NUP205: variants seen among roughly 807,000 people sequenced by gnomAD.
NUP205 encodes nuclear pore complex protein Nup205.
NUP205 carries 76 observed loss-of-function variants against 253.8 expected under a neutral mutation model. The observed-to-expected ratio is 0.30, with a 90% CI of 0.25 to 0.36. NUP205 has a LOEUF of 0.36. Among genes scored for constraint, NUP205 ranks in the 10% least tolerant of loss-of-function variants. The pLI is 1.00. For missense variants in NUP205, 2,162 were observed against 2,425.5 expected (o/e 0.89, Z 2.28); for synonymous variants, 832 against 850.1 (o/e 0.98, Z 0.37).
At chr7:135,584,695 A>G (rs551534188) in intron 7 of NUP205, 137 bp from the exon 8 acceptor site, 1 of 712,206 alleles carries the variant, frequency 1.4e-6, no homozygotes, top group Non-Finnish European at 2.4e-6. Flanking sequence ...ACAGTTATAT[A>G]TAGTCTCATT....
intron 26 of NUP205, 65 bp downstream of exon 26, chr7:135,617,312 C>A: frequency 7.0e-7 from 1 of 1,418,468 alleles, no homozygotes; most frequent in Non-Finnish European, 9.7e-7. Flanking sequence ...TCATCAGAAA[C>A]AAATAGAACC....
At chr7:135,581,663 C>T (rs868140193) in intron 7 of NUP205, among the ~76,000 whole-genome samples, 4 of 151,884 alleles carry the variant, frequency 2.6e-5, no homozygotes, top group African/African-American at 7.3e-5. Flanking sequence ...ACCAGACTGG[C>T]GAACGTGGTA....
In NUP205 at chr7:135,635,601, G is replaced by C; in HGVS notation, c.5080G>C (p.Val1694Leu). Reference sequence around the variant, plus strand: ...TATAGGAATATTAAGTGAACTTGACGTTGATGTAAATGAAGGGTCTCTAAT... The same window carrying C: ...TATAGGAATATTAAGTGAACTTGACCTTGATGTAAATGAAGGGTCTCTAAT... Reference protein sequence around the residue: ...ALPGILSELDVDVNEGSLMEL... With the variant: ...ALPGILSELDLDVNEGSLMEL... The change falls in exon 36 of 43, where the codon GTT (valine) becomes CTT (leucine). Residue 1694 changes from valine (V) to leucine (L), a missense_variant. By Grantham distance (32) the Val-to-Leu change is conservative. Around this residue, in one of 5 missense-constraint regions of NUP205, gnomAD observed 1,144 missense variants for 1,280.9 expected, o/e 0.89. Coordinates refer to ENST00000285968, the MANE Select transcript of NUP205 (RefSeq NM_015135.3). 1 of 1,583,014 alleles carries C rather than the reference G, an allele frequency of 6.3e-7. No individual in the cohort carries two copies. Among genetic ancestry groups the C allele is most frequent in the Non-Finnish European group, 8.7e-7 (1 of 1,155,022 alleles).
At chr7:135,572,400 A>G (rs567652255) in intron 2 of NUP205, among the ~76,000 whole-genome samples, 7 of 152,220 alleles carry the variant, frequency 4.6e-5, no homozygotes, top group African/African-American at 1.7e-4. Context: ...GTATTATTTT[A>G]TAGTAGTTTA....
In NUP205 at chr7:135,618,478, C is replaced by T. The variant is rs768072571; in HGVS notation, c.3838C>T (p.Arg1280Cys). 48 of 1,613,936 alleles carry T rather than the reference C, an allele frequency of 3.0e-5. No homozygotes were observed. The highest frequency in any genetic ancestry group is 3.6e-5 in the Non-Finnish European group (42 of 1,179,984). Residue 1280 changes from arginine to cysteine, a missense_variant, in exon 28 of 43, where the codon CGT becomes TGT. By Grantham distance (180) the Arg-to-Cys change is radical. This residue lies in a region of NUP205 where 1,144 missense variants were observed against 1,280.9 expected (regional missense o/e 0.89). Transcript: ENST00000285968. ...NKLLQCLHAK[R>C]HALESWRQLV... The stretch of plus-strand genomic sequence containing the variant: ...ATTGCTGCAGTGTCTTCATGCAAAA[C>T]GTCATGCTCTGGAGTCGTGGAGGCA...
rs561367430 is a variant in NUP205, at chr7:135,626,358, A to G, written c.4790A>G (p.Gln1597Arg). 1.9e-6 allele frequency: 3 copies of G among 1,614,054 alleles called. No homozygotes were observed. The South Asian group carries it at 3.3e-5, about 18-fold the overall frequency. The change falls in exon 33 of 43, where the codon CAG becomes CGG. Residue 1597 changes from glutamine to arginine, a missense_variant. Around this residue, in one of 5 missense-constraint regions of NUP205, gnomAD observed 1,144 missense variants for 1,280.9 expected, o/e 0.89. Transcript: ENST00000285968. ...GACATGCGCCCAGAAACGGACCCGC[A>G]GAGGTAAGTGTCTGTATAGATTAAT... ...VYDMRPETDP[Q>R]SMFGMRDPPM...
intron 7 of NUP205, among the ~76,000 whole-genome samples, chr7:135,579,667 C>T (rs1023667703): frequency 4.6e-5 from 7 of 151,114 alleles, no homozygotes; most frequent in African/African-American, 9.7e-5. Context: ...TGTGGAATCC[C>T]GACTTTTCTT....
chr7:135,618,388 G>A, intron 27 of NUP205, 24 bp from the exon 28 acceptor site: 1 of 1,605,056 alleles, frequency 6.2e-7, no homozygotes, highest in Non-Finnish European at 8.5e-7. Context: ...GTTTAACCTT[G>A]TGATTCAATT....
Position 135,602,912 on chromosome 7 carries a change from C to G in NUP205, c.2620C>G (p.Leu874Val), listed in dbSNP as rs374424554. Residue 874 changes from leucine to valine, a missense_variant, in exon 18 of 43, where the codon CTA (leucine) becomes GTA (valine). Physicochemically the swap from Leu to Val is conservative, Grantham distance 32. Coordinates refer to ENST00000285968, the MANE Select transcript of NUP205 (RefSeq NM_015135.3). The part of the protein sequence containing the change: ...MDLLRESQLA[L>V]IVCPLEQLLQ... ...CCTTCTAAGAGAGAGTCAACTGGCT[C>G]TAATAGTCTGTCCTTTAGAACAGCT... The G allele has an allele frequency of 3.9e-5, 63 of 1,613,776 alleles. No homozygotes were observed. The highest frequency in any genetic ancestry group is 5.0e-5 in the Non-Finnish European group (59 of 1,179,888).
intron 31 of NUP205, among the ~76,000 whole-genome samples, chr7:135,624,542 A>AT (rs967424509): frequency 2.6e-5 from 4 of 151,576 alleles, no homozygotes; most frequent in Non-Finnish European, 4.4e-5. Context: ...CGCCCAGCTA[A>AT]TTTTTTTTGT....
intron 24 of NUP205, 98 bp downstream of exon 24, chr7:135,616,163 A>T (rs1385883478): frequency 3.8e-6 from 4 of 1,059,916 alleles, no homozygotes; most frequent in East Asian, 2.7e-5. Context: ...ATAGACCAAA[A>T]CTATCTTCTC....
Position 135,614,626 on chromosome 7 carries a change from A to T in NUP205, c.3310+353A>T, listed in dbSNP as rs1373541782. 2.6e-5 allele frequency among the ~76,000 whole-genome samples: 4 copies of T among 152,208 alleles called. No homozygotes were observed. The East Asian group carries it at 5.8e-4, about 22-fold the overall frequency. ...CCCAGGCTGTTTATGAGGAAAAAAA[A>T]AATCCTGGTTTATTTTTGTTTCTTG... On this transcript the variant is annotated intron_variant, in intron 23 of 42. Transcript: ENST00000285968.
intron 1 of NUP205, among the ~76,000 whole-genome samples, chr7:135,566,689 T>C (rs572799171): frequency 7.9e-5 from 12 of 152,280 alleles, no homozygotes; most frequent in East Asian, 3.9e-4. Flanking sequence ...CCCGTTGTAC[T>C]TCATCATATC....
At chr7:135,640,689 T>C (rs1794902221) in intron 38 of NUP205, among the ~76,000 whole-genome samples, 1 of 152,194 alleles carries the variant, frequency 6.6e-6, no homozygotes, top group South Asian at 2.1e-4. Flanking sequence ...AACTAAGTCC[T>C]TAATAGCTAA....
At chr7:135,615,747 C>T (rs1043117932) in intron 23 of NUP205, among the ~76,000 whole-genome samples, 169 bp from the exon 24 acceptor site, 2 of 151,714 alleles carry the variant, frequency 1.3e-5, no homozygotes, top group Non-Finnish European at 2.9e-5. Context: ...TTCTTGGTAT[C>T]TTTTTTTTCC....
At chr7:135,601,614 G>A in intron 17 of NUP205, 107 bp downstream of exon 17, 1 of 1,223,754 alleles carries the variant, frequency 8.2e-7, no homozygotes, top group South Asian at 1.5e-5. Flanking sequence ...TTCACTGTAA[G>A]ATTCTCTCTC....
At chr7:135,566,893 A>G (rs527594522) in intron 1 of NUP205, among the ~76,000 whole-genome samples, 5 of 151,500 alleles carry the variant, frequency 3.3e-5, no homozygotes, top group Admixed American at 6.6e-5. Flanking sequence ...GCGCACCACC[A>G]TGCCTGGCTA....
intron 10 of NUP205, among the ~76,000 whole-genome samples, chr7:135,591,228 A>T (rs58634604): frequency 3.9e-5 from 6 of 151,910 alleles, no homozygotes; most frequent in South Asian, 2.1e-4. Flanking sequence ...ATATTTTTTT[A>T]AAAATGTACT....
At chr7:135,623,487 T>G (rs1649306980) in intron 31 of NUP205, among the ~76,000 whole-genome samples, 1 of 152,220 alleles carries the variant, frequency 6.6e-6, no homozygotes, top group African/African-American at 2.4e-5. Flanking sequence ...TGAGGTTGAC[T>G]GGTAGAAACA....
Sources: allele counts gnomAD v4.1 joint callset (sites outside exome capture counted in the v4.1 genomes callset), GRCh38; gene constraint gnomAD v4.1.1; regional missense constraint gnomAD v4.1.1; transcripts MANE v1.5; gene names NCBI Gene and HGNC (gene_info 2026-07-23, HGNC 2026-07-21).